Variants in SPINK5 observed in about 807,000 individuals in gnomAD.
SPINK5 encodes serine peptidase inhibitor Kazal type 5.
Under a neutral mutation model 151.8 loss-of-function variants are expected in SPINK5, and 125 were observed. The ratio of observed to expected loss-of-function variants is 0.82; its 90% confidence interval spans 0.71 to 0.96. The LOEUF is 0.96. Among genes scored for constraint, SPINK5 ranks in the 40% least tolerant of loss-of-function variants. SPINK5 has a pLI of 0.00. For synonymous variants in SPINK5, 374 were observed against 395.3 expected, an observed-to-expected ratio of 0.95 and a Z score of 0.64; for missense variants, 1,194 against 1,291.9, an observed-to-expected ratio of 0.92 and a Z score of 1.16.
chr5:148,091,098 A>G, intron 7 of SPINK5, 67 bp from the exon 8 acceptor site: 1 of 1,346,100 alleles, frequency 7.4e-7, no homozygotes, highest in East Asian at 2.4e-5. Flanking sequence ...AGTGTTTAGC[A>G]CAGGACTGAG....
Position 148,133,871 on chromosome 5 carries a change from C to T in SPINK5, c.3170C>T (p.Ala1057Val). 6.2e-7 allele frequency: 1 copy of T among 1,613,980 alleles called. No homozygotes were observed. The highest frequency in any genetic ancestry group is 8.5e-7 in the Non-Finnish European group (1 of 1,179,938). ...AGCAGCACCCCAGGAACCACCGCAGCCAGCATGCCCCCGTCTGTAAGTACA... is the reference window on the plus strand; with the variant it reads ...AGCAGCACCCCAGGAACCACCGCAGTCAGCATGCCCCCGTCTGTAAGTACA... ...EESSTPGTTA[A>V]SMPPSDE The change falls in exon 32 of 33, where the codon GCC becomes GTC. Residue 1057 changes from alanine (A) to valine (V), a missense_variant. By Grantham distance (64) the Ala-to-Val change is moderately conservative. Coordinates refer to ENST00000256084, the MANE Select transcript of SPINK5 (RefSeq NM_006846.4).
chr5:148,082,587 A>T (rs138952198), intron 4 of SPINK5, among the ~76,000 whole-genome samples: 10 of 135,176 alleles, frequency 7.4e-5, no homozygotes, highest in East Asian at 2.7e-4. Context: ...GCTTTTATGA[A>T]TGTTTTATAT....
intron 26 of SPINK5, 102 bp downstream of exon 26, chr5:148,120,493 T>C (rs1754228674): frequency 7.2e-7 from 1 of 1,395,772 alleles, no homozygotes; most frequent in Non-Finnish European, 9.9e-7. Flanking sequence ...TCCCAATCAT[T>C]GGTGATATAA....
Position 148,089,504 on chromosome 5 carries a change from G to T in SPINK5, c.485G>T (p.Ser162Ile), listed in dbSNP as rs1402322445. The T allele has an allele frequency of 4.3e-6, 7 of 1,611,872 alleles. No homozygotes were observed. The South Asian group carries it at 5.5e-5, about 13-fold the overall frequency. Reference protein sequence around the residue: ...KSSNPEQDVCSAFRPFVRDGR... With the variant: ...KSSNPEQDVCIAFRPFVRDGR... ...TTCCCTGTTCTTCAGGATGTATGCA[G>T]TGCTTTTCGGCCCTTTGTTAGAGAT... Residue 162 changes from serine to isoleucine, a missense_variant, in exon 7 of 33, where the codon AGT becomes ATT. By Grantham distance (142) the Ser-to-Ile change is moderately radical. Transcript: ENST00000256084.
At chr5:148,073,648 C>T (rs942695026) in intron 4 of SPINK5, among the ~76,000 whole-genome samples, 2 of 151,484 alleles carry the variant, frequency 1.3e-5, no homozygotes, top group African/African-American at 4.8e-5. Context: ...AAGCAAAATA[C>T]ACACAAACAT....
intron 21 of SPINK5, 84 bp from the exon 22 acceptor site, chr5:148,116,286 T>A: frequency 7.4e-7 from 1 of 1,346,234 alleles, no homozygotes; most frequent in Non-Finnish European, 1.1e-6. Flanking sequence ...CATATGTGAT[T>A]TGTTCATATA....
intron 21 of SPINK5, 68 bp downstream of exon 21, chr5:148,114,557 A>G (rs1754036067): frequency 1.9e-6 from 3 of 1,601,804 alleles, no homozygotes; most frequent in East Asian, 2.2e-5. Context: ...CAGGCAAATA[A>G]TATGTATTGT....
At chr5:148,073,859 C>A (rs1471393921) in intron 4 of SPINK5, among the ~76,000 whole-genome samples, 1 of 114,986 alleles carries the variant, frequency 8.7e-6, no homozygotes, top group Non-Finnish European at 1.8e-5. Context: ...CACACACACA[C>A]ACAAAACTGT....
chr5:148,126,568 CT>C (rs1433546538), intron 29 of SPINK5, among the ~76,000 whole-genome samples: 3 of 144,122 alleles, frequency 2.1e-5, no homozygotes, highest in Non-Finnish European at 4.5e-5. Context: ...TTCTGTGATT[CT>C]GTTTTATTTA....
At position 148,069,713 on chromosome 5, in the gene SPINK5, G is replaced by A. The variant is rs530845912; in HGVS notation, c.82-610G>A. The stretch of plus-strand genomic sequence containing the variant: ...TCGGAAGGGGGATGTGACAGTGAAG[G>A]GCCCTGAATCTTAAGCTTTATTAGC... On this transcript the variant is annotated intron_variant, in intron 2 of 32. Coordinates refer to ENST00000256084, the MANE Select transcript of SPINK5 (RefSeq NM_006846.4). Among the ~76,000 whole-genome samples, 3 of 152,128 alleles carry A rather than the reference G, an allele frequency of 2.0e-5. No homozygotes were observed. The South Asian group carries it at 6.2e-4, about 32-fold the overall frequency.
At chr5:148,091,805 T>TA (rs1413935096) in intron 8 of SPINK5, among the ~76,000 whole-genome samples, 2 of 151,762 alleles carry the variant, frequency 1.3e-5, no homozygotes, top group African/African-American at 2.4e-5. Flanking sequence ...GAATGTGTTT[T>TA]AAAAAAATCC....
Position 148,118,930 on chromosome 5 carries a change from AT to A in SPINK5, c.2241-55del. 2.6e-6 allele frequency: 4 copies of A among 1,566,312 alleles called. No homozygotes were observed. In the South Asian group the frequency reaches 4.5e-5, roughly 17 times the overall value. On this transcript the variant is annotated intron_variant, in intron 23 of 32. Transcript: ENST00000256084. ...CATTTGCACGGGACACACTTAGTGC[AT>A]AATCCAGGGTCAATATTTGTTAACA...
intron 5 of SPINK5, among the ~76,000 whole-genome samples, chr5:148,086,767 G>A (rs1459413817): frequency 1.3e-5 from 2 of 151,374 alleles, no homozygotes; most frequent in Non-Finnish European, 3.0e-5. Flanking sequence ...ATCACTTTAT[G>A]AAGTAGACAG....
At chr5:148,099,141 A>G (rs1239071672) in intron 11 of SPINK5, 93 bp from the exon 12 acceptor site, 10 of 1,181,378 alleles carry the variant, frequency 8.5e-6, no homozygotes, top group Non-Finnish European at 9.8e-6. Flanking sequence ...GTTCCACTCT[A>G]AGGAGGGAGA....
intron 22 of SPINK5, among the ~76,000 whole-genome samples, chr5:148,117,260 T>C (rs1754119379): frequency 6.6e-6 from 1 of 152,236 alleles, no homozygotes; most frequent in Non-Finnish European, 1.5e-5. Flanking sequence ...GTTCTCCCTT[T>C]TAAGGAATAG....
chr5:148,087,557 A>G (rs1753193797), intron 5 of SPINK5, among the ~76,000 whole-genome samples: 1 of 151,864 alleles, frequency 6.6e-6, no homozygotes, highest in African/African-American at 2.4e-5. Flanking sequence ...ACCAAGGGTC[A>G]ACATAGAGAA....
chr5:148,125,916 T>G, intron 29 of SPINK5, 66 bp downstream of exon 29: 1 of 1,606,178 alleles, frequency 6.2e-7, no homozygotes, highest in Non-Finnish European at 8.5e-7. Context: ...AACTGCTGCT[T>G]GAATAAGTTT....
At chr5:148,102,375 A>C (rs577139137) in intron 15 of SPINK5, among the ~76,000 whole-genome samples, 3 of 152,320 alleles carry the variant, frequency 2.0e-5, no homozygotes, top group Admixed American at 6.5e-5. Context: ...TAAAAAAGTA[A>C]ATCGTAAATG....
intron 2 of SPINK5, among the ~76,000 whole-genome samples, chr5:148,065,821 C>T (rs988452097): frequency 2.6e-5 from 4 of 152,068 alleles, no homozygotes; most frequent in Non-Finnish European, 4.4e-5. Flanking sequence ...ATTTATTGAG[C>T]ATCTCTTAGA....
Sources: allele counts gnomAD v4.1 joint callset (sites outside exome capture counted in the v4.1 genomes callset), GRCh38; gene constraint gnomAD v4.1.1; transcripts MANE v1.5; gene names NCBI Gene and HGNC (gene_info 2026-07-23, HGNC 2026-07-21).